PTPRD: variants seen among roughly 807,000 people sequenced by gnomAD.
The protein encoded by PTPRD is protein tyrosine phosphatase receptor type D, also known as receptor-type tyrosine-protein phosphatase delta.
Under a neutral mutation model 214.5 loss-of-function variants are expected in PTPRD, and 34 were observed. The observed-to-expected ratio is 0.16, with a 90% CI of 0.12 to 0.21. The LOEUF is 0.21. PTPRD is among the 10% of genes least tolerant of loss of function. PTPRD has a pLI of 1.00. For synonymous variants in PTPRD, 1,128 were observed against 845.7 expected (o/e 1.33, Z -5.79); for missense variants, 2,545 against 2,398.7 (o/e 1.06, Z -1.27).
chr9:9,521,761 C>A (rs1047762646), intron 8 of PTPRD, among the ~76,000 whole-genome samples: 15 of 152,100 alleles, frequency 9.9e-5, no homozygotes, highest in African/African-American at 3.4e-4. Context: ...ATGATCATTT[C>A]TAAGGATGCT....
intron 11 of PTPRD, among the ~76,000 whole-genome samples, chr9:8,845,885 TAAC>T (rs2097685732): frequency 6.6e-6 from 1 of 152,192 alleles, no homozygotes; most frequent in African/African-American, 2.4e-5. Context: ...GTCATTTGAA[TAAC>T]AACAGATTGG....
At chr9:8,924,816 G>T (rs1318909903) in intron 11 of PTPRD, among the ~76,000 whole-genome samples, 1 of 152,060 alleles carries the variant, frequency 6.6e-6, no homozygotes, top group African/African-American at 2.4e-5. Context: ...ATATTTCTTG[G>T]AATATTTCTC....
At chr9:9,832,307 C>G (rs2055145644) in intron 5 of PTPRD, among the ~76,000 whole-genome samples, 1 of 151,820 alleles carries the variant, frequency 6.6e-6, no homozygotes, top group Admixed American at 6.6e-5. Flanking sequence ...GGCAACACAG[C>G]CTGCTAAGAA....
intron 11 of PTPRD, among the ~76,000 whole-genome samples, chr9:8,810,426 CT>C (rs1157542513): frequency 6.6e-6 from 1 of 152,156 alleles, no homozygotes; most frequent in African/African-American, 2.4e-5. Flanking sequence ...TCAAGCTCCC[CT>C]GCTTTTAGCG....
intron 14 of PTPRD, among the ~76,000 whole-genome samples, chr9:8,579,964 T>C (rs2092896309): frequency 6.6e-6 from 1 of 152,208 alleles, no homozygotes. Flanking sequence ...GATAGTGGCA[T>C]GATCAGATTT....
At chr9:9,219,273 C>T (rs2099954293) in intron 9 of PTPRD, among the ~76,000 whole-genome samples, 2 of 152,166 alleles carry the variant, frequency 1.3e-5, no homozygotes, top group South Asian at 4.1e-4. Context: ...AGATGTACAG[C>T]TTGACATAGT....
intron 9 of PTPRD, among the ~76,000 whole-genome samples, chr9:9,332,436 C>T (rs915264715): frequency 5.9e-5 from 9 of 151,770 alleles, no homozygotes; most frequent in Non-Finnish European, 1.2e-4. Context: ...AATAACCACA[C>T]AATATATTTA....
intron 2 of PTPRD, among the ~76,000 whole-genome samples, chr9:10,477,088 T>A (rs1214528366): frequency 2.0e-5 from 3 of 152,012 alleles, no homozygotes; most frequent in African/African-American, 7.2e-5. Context: ...AGTTCATGAC[T>A]AAAACACAAA....
At chr9:8,928,034 C>T (rs7466327) in intron 11 of PTPRD, among the ~76,000 whole-genome samples, 39,965 of 151,914 alleles carry the variant, frequency 0.26, 5,716 homozygotes, top group East Asian at 0.53. Flanking sequence ...ATATCCTTCG[C>T]CCACTTTTTG....
chr9:8,766,558 C>T (rs1347257941), intron 11 of PTPRD, among the ~76,000 whole-genome samples: 8 of 152,104 alleles, frequency 5.3e-5, no homozygotes, highest in Non-Finnish European at 1.0e-4. Flanking sequence ...TACAAATACA[C>T]GACAATAAAC....
intron 11 of PTPRD, among the ~76,000 whole-genome samples, chr9:8,831,995 A>G (rs7030557): frequency 0.1 from 15,894 of 152,034 alleles, 868 homozygotes; most frequent in African/African-American, 0.13. Context: ...AAATTATTTG[A>G]ACAGCATGAC....
chr9:8,374,202 A>C (rs181411444), intron 39 of PTPRD, among the ~76,000 whole-genome samples: 17 of 151,472 alleles, frequency 1.1e-4, no homozygotes, highest in Admixed American at 9.3e-4. Context: ...CTTCTGCTAG[A>C]CCAAATTTTC....
intron 14 of PTPRD, among the ~76,000 whole-genome samples, chr9:8,534,291 T>C (rs574935246): frequency 1.7e-4 from 26 of 151,894 alleles, no homozygotes; most frequent in African/African-American, 4.6e-4. Flanking sequence ...AAGAACACAA[T>C]AGAACACGTA....
At chr9:8,986,069 A>G (rs904647227) in intron 11 of PTPRD, among the ~76,000 whole-genome samples, 5 of 152,088 alleles carry the variant, frequency 3.3e-5, no homozygotes, top group African/African-American at 1.2e-4. Flanking sequence ...AAAGCTTGGA[A>G]GGACCTTGAT....
chr9:9,310,674 T>G (rs1462695146), intron 9 of PTPRD, among the ~76,000 whole-genome samples: 3 of 152,040 alleles, frequency 2.0e-5, no homozygotes, highest in African/African-American at 7.2e-5. Context: ...TCCCAGCACT[T>G]TGGGAGGCGG....
intron 33 of PTPRD, among the ~76,000 whole-genome samples, chr9:8,455,402 G>A (rs1302442003): frequency 1.3e-5 from 2 of 152,112 alleles, no homozygotes; most frequent in African/African-American, 4.8e-5. Context: ...TGTTGATTGT[G>A]TAAATAACCA....
At chr9:9,784,161 A>T (rs556819601) in intron 5 of PTPRD, among the ~76,000 whole-genome samples, 170 of 152,250 alleles carry the variant, frequency 1.1e-3, no homozygotes, top group Middle Eastern at 3.4e-3. Flanking sequence ...AGTATTTTTT[A>T]AATTATTCTT....
chr9:9,939,798 T>C (rs185654424), intron 4 of PTPRD, among the ~76,000 whole-genome samples: 259 of 152,272 alleles, frequency 1.7e-3, no homozygotes, highest in African/African-American at 5.7e-3. Context: ...TGCAGTACGA[T>C]GTGAAGGGCT....
At chr9:8,715,942 C>G (rs2098428318) in intron 12 of PTPRD, among the ~76,000 whole-genome samples, 1 of 152,246 alleles carries the variant, frequency 6.6e-6, no homozygotes, top group South Asian at 2.1e-4. Flanking sequence ...TAGCTGCTCA[C>G]TTGGGCAATG....
Sources: allele counts gnomAD v4.1 joint callset (sites outside exome capture counted in the v4.1 genomes callset), GRCh38; gene constraint gnomAD v4.1.1; transcripts MANE v1.5; gene names NCBI Gene and HGNC (gene_info 2026-07-23, HGNC 2026-07-21).